The following SLC7A1 variants were observed in gnomAD, a reference collection of about 807,000 sequenced individuals.
SLC7A1 encodes solute carrier family 7 member 1, also known as high affinity cationic amino acid transporter 1.
In SLC7A1, 10 loss-of-function variants were observed where a neutral mutation model predicts 53.9. The observed-to-expected ratio is 0.19, with a 90% confidence interval of 0.11 to 0.31. The LOEUF is 0.31. SLC7A1 is among the 10% of genes least tolerant of loss of function. SLC7A1 has a pLI of 1.00. For synonymous variants in SLC7A1, 342 were observed against 338.7 expected (o/e 1.01, Z -0.11); for missense variants, 525 against 827.2 (o/e 0.63, Z 4.48).
At chr13:29,568,989 C>G (rs751335330) in intron 1 of SLC7A1, among the ~76,000 whole-genome samples, 18 of 152,184 alleles carry the variant, frequency 1.2e-4, no homozygotes, top group Non-Finnish European at 2.5e-4. Context: ...GGGTCTCTGT[C>G]CAGTCACTTT....
chr13:29,570,854 T>C (rs1379214898), intron 1 of SLC7A1, among the ~76,000 whole-genome samples: 1 of 55,806 alleles, frequency 1.8e-5, no homozygotes, highest in Admixed American at 1.4e-4. Context: ...AGAGACTTTG[T>C]CTCAAAAAAA....
rs756916805 is a variant in SLC7A1 at position 29,580,463 on chromosome 13, C to CCCA, written c.-115+14950_-115+14952dup. Among the ~76,000 whole-genome samples, 15 of 152,018 alleles carry CCCA rather than the reference C, an allele frequency of 9.9e-5. No individual in the cohort carries two copies. The East Asian group carries it at 1.9e-3, about 19-fold the overall frequency. On this transcript the variant is annotated intron_variant, in intron 1 of 12. Transcript: ENST00000380752. The stretch of plus-strand genomic sequence containing the variant: ...CTATTCCATGTTACCCCTCTTCATG[C>CCCA]CCAGACAATACATAAACACATGCGG...
At chr13:29,519,588 C>T (rs376626844) in intron 8 of SLC7A1, 39 bp from the exon 9 acceptor site, 18 of 1,315,658 alleles carry the variant, frequency 1.4e-5, no homozygotes, top group Non-Finnish European at 1.7e-5. Flanking sequence ...GGAGGGCCAT[C>T]TGCATGCAAT....
chr13:29,576,568 G>A (rs1401990214), intron 1 of SLC7A1, among the ~76,000 whole-genome samples: 1 of 152,200 alleles, frequency 6.6e-6, no homozygotes, highest in Non-Finnish European at 1.5e-5. Context: ...AGTGAGAGAA[G>A]GAGGGGACAG....
chr13:29,576,241 G>A lies in SLC7A1; in HGVS notation c.-115+19175C>T, dbSNP rs551461623. Among the ~76,000 whole-genome samples the A allele has an allele frequency of 4.4e-5, 6 of 137,802 alleles. No homozygotes were observed. The South Asian group carries it at 1.4e-3, about 32-fold the overall frequency. 90.4% of individuals were successfully genotyped at this position (137,802 alleles called of 152,430 possible). ...CAGGAGGTCAAGGCTGCAGTGAGCT[G>A]TGATCACGCCACTGCACTTCAGCCT... On this transcript the variant is annotated intron_variant, in intron 1 of 12. Transcript: ENST00000380752.
chr13:29,522,096 C>A (rs1868654919), intron 8 of SLC7A1, among the ~76,000 whole-genome samples: 1 of 152,192 alleles, frequency 6.6e-6, no homozygotes, highest in Admixed American at 6.5e-5. Flanking sequence ...AACCAGAGTG[C>A]AAACTGTTCA....
chr13:29,584,944 G>A (rs773985911), intron 1 of SLC7A1, among the ~76,000 whole-genome samples: 4 of 152,160 alleles, frequency 2.6e-5, no homozygotes, highest in South Asian at 2.1e-4. Context: ...GTCGCATCAC[G>A]CTGAATAAAA....
At chr13:29,550,843 G>T (rs769978915) in intron 2 of SLC7A1, among the ~76,000 whole-genome samples, 1 of 152,204 alleles carries the variant, frequency 6.6e-6, no homozygotes, top group Admixed American at 6.5e-5. Flanking sequence ...AGAAACAGAT[G>T]ACTAATAAAT....
chr13:29,575,208 C>G (rs1341890219), intron 1 of SLC7A1, among the ~76,000 whole-genome samples: 1 of 152,172 alleles, frequency 6.6e-6, no homozygotes, highest in Non-Finnish European at 1.5e-5. Context: ...GTTACAGGAG[C>G]ATTTAATCAA....
intron 4 of SLC7A1, 53 bp from the exon 5 acceptor site, chr13:29,530,765 G>C: frequency 6.6e-7 from 1 of 1,514,102 alleles, no homozygotes; most frequent in Non-Finnish European, 9.1e-7. Context: ...CACAAACTGG[G>C]AAGGTCCTTC....
At chr13:29,571,601 C>T (rs962680417) in intron 1 of SLC7A1, among the ~76,000 whole-genome samples, 6 of 152,174 alleles carry the variant, frequency 3.9e-5, no homozygotes, top group Non-Finnish European at 7.4e-5. Context: ...GGCTTTTGGG[C>T]CAAATTTGGA....
At chr13:29,581,723 C>T (rs550487481) in intron 1 of SLC7A1, among the ~76,000 whole-genome samples, 39 of 152,334 alleles carry the variant, frequency 2.6e-4, no homozygotes, top group Middle Eastern at 3.4e-3. Context: ...AAGACAGGTT[C>T]ATCTCCCACC....
chr13:29,590,351 G>A (rs1250629677), intron 1 of SLC7A1, among the ~76,000 whole-genome samples: 1 of 152,096 alleles, frequency 6.6e-6, no homozygotes, highest in Admixed American at 6.5e-5. Context: ...AGTCACTCCC[G>A]TCCTGCCCCC....
rs1470911515 is a variant in SLC7A1 at position 29,514,596 on chromosome 13, A to G, written c.1787-13T>C. 4.4e-6 allele frequency: 7 copies of G among 1,594,990 alleles called. No individual in the cohort carries two copies. The highest frequency in any genetic ancestry group is 6.0e-6 in the Non-Finnish European group (7 of 1,172,058). On this transcript the variant is annotated splice_polypyrimidine_tract_variant and intron_variant, in intron 12 of 12. Transcript: ENST00000380752. ...TAGATGATGAAGCCTGCGGGCCGAC[A>G]GCAGAGACGGGCGTGAACAGACCGC...
intron 2 of SLC7A1, among the ~76,000 whole-genome samples, chr13:29,540,543 G>T (rs1399159685): frequency 6.6e-6 from 1 of 152,152 alleles, no homozygotes; most frequent in Non-Finnish European, 1.5e-5. Context: ...ATGGTGTGAC[G>T]TTTTCACCTT....
chr13:29,571,818 T>C (rs1871204487), intron 1 of SLC7A1, among the ~76,000 whole-genome samples: 1 of 152,186 alleles, frequency 6.6e-6, no homozygotes, highest in Admixed American at 6.5e-5. Context: ...GAAATGTTTG[T>C]TTTCCATATC....
chr13:29,549,662 T>C (rs1027175412), intron 2 of SLC7A1, among the ~76,000 whole-genome samples: 2 of 152,198 alleles, frequency 1.3e-5, no homozygotes, highest in Non-Finnish European at 1.5e-5. Flanking sequence ...ACAGGTTACA[T>C]CTATTGTTTG....
chr13:29,521,417 T>G (rs1245777384), intron 8 of SLC7A1, among the ~76,000 whole-genome samples: 5 of 152,202 alleles, frequency 3.3e-5, no homozygotes, highest in African/African-American at 9.7e-5. Context: ...CTGCTCAGAC[T>G]CTGGAAGGAG....
intron 1 of SLC7A1, among the ~76,000 whole-genome samples, chr13:29,587,498 A>C (rs114129895): frequency 0.032 from 4,822 of 152,234 alleles, 204 homozygotes; most frequent in African/African-American, 0.088. Flanking sequence ...AGGCTCATTA[A>C]AAGGCAAGTC....
Sources: allele counts gnomAD v4.1 joint callset (sites outside exome capture counted in the v4.1 genomes callset), GRCh38; gene constraint gnomAD v4.1.1; transcripts MANE v1.5; gene names NCBI Gene and HGNC (gene_info 2026-07-23, HGNC 2026-07-21).